Variants in SPATA24 observed in about 807,000 individuals in gnomAD.
SPATA24 encodes spermatogenesis-associated protein 24.
A neutral mutation model predicts 28.9 loss-of-function variants in SPATA24; 21 were observed. The ratio of observed to expected loss-of-function variants is 0.73; its 90% confidence interval spans 0.52 to 1.05. The LOEUF (loss-of-function observed/expected upper bound fraction) is 1.05. Among genes scored for constraint, SPATA24 ranks in the 50% least tolerant of loss-of-function variants. The probability of loss-of-function intolerance (pLI) is 0.00; values close to 1 mark genes in which losing one functional copy is unlikely to be tolerated. For synonymous variants in SPATA24, 76 were observed against 89.9 expected (o/e 0.85, Z 0.88); for missense variants, 215 against 242.9 (o/e 0.88, Z 0.76).
downstream of SPATA24, chr5:139,395,718 G>A (rs1185541029): frequency 3.3e-5 from 5 of 152,316 alleles, no homozygotes; most frequent in Non-Finnish European, 7.3e-5. Context: ...CAGGGCCTCA[G>A]GAAGGTACTA....
Position 139,397,154 on chromosome 5 carries a change from G to C in SPATA24, c.386-11C>G. On this transcript the variant is annotated splice_polypyrimidine_tract_variant and intron_variant, in intron 4 of 5. Coordinates refer to ENST00000450845, the MANE Select transcript of SPATA24 (RefSeq NM_194296.2). ...TGTGAGACTCAATCTCTGTGGGGGA[G>C]AGAGGCAGGGAGGAGGGGTGGTTCC... 1 of 1,545,714 alleles carries C rather than the reference G, an allele frequency of 6.5e-7. No homozygotes were observed. The highest frequency in any genetic ancestry group is 8.8e-7 in the Non-Finnish European group (1 of 1,141,332).
chr5:139,402,374 A>G (rs999126317), intron 2 of SPATA24, among the ~76,000 whole-genome samples: 9 of 151,166 alleles, frequency 6.0e-5, no homozygotes, highest in Admixed American at 4.0e-4. Flanking sequence ...GCCACCACGC[A>G]TGCTTGGCTA....
At chr5:139,392,607 GGGGGCCGTA>G, downstream of SPATA24, 1 of 1,370,394 alleles carries the variant, frequency 7.3e-7, no homozygotes, top group Non-Finnish European at 9.4e-7. This position sits in a 1 kb window ranked among gnomAD's most constrained non-coding sequence, Gnocchi z 5.8. Context: ...CCGCGGGCTC[GGGGGCCGTA>G]GGTGGTGTCT....
intron 4 of SPATA24, among the ~76,000 whole-genome samples, chr5:139,400,188 C>T (rs896710592): frequency 6.6e-6 from 1 of 152,190 alleles, no homozygotes; most frequent in Non-Finnish European, 1.5e-5. Flanking sequence ...GTACTCAAGG[C>T]TCCACATGGG....
downstream of SPATA24, chr5:139,392,664 C>A (rs1231549013): frequency 4.3e-6 from 6 of 1,401,140 alleles, no homozygotes; most frequent in African/African-American, 6.1e-5. This position sits in a 1 kb window ranked among gnomAD's most constrained non-coding sequence, Gnocchi z 5.8. Context: ...GGCTGGCTTG[C>A]ATCTGAGGGG....
chr5:139,394,273 G>A, downstream of SPATA24: 3 of 1,542,620 alleles, frequency 1.9e-6, no homozygotes, highest in Non-Finnish European at 2.6e-6. Context: ...GGACCCGAAG[G>A]TGGCGCTGCT....
At chr5:139,396,994 G>T (rs201757183) in intron 5 of SPATA24, 47 bp downstream of exon 5, 42 of 1,551,460 alleles carry the variant, frequency 2.7e-5, no homozygotes, top group Non-Finnish European at 3.6e-5. Context: ...CAGAGGTCTG[G>T]CTCCCCAGTG....
At chr5:139,403,857 G>A (rs915414210) in intron 1 of SPATA24, 87 bp downstream of exon 1, 28 of 1,169,734 alleles carry the variant, frequency 2.4e-5, no homozygotes, top group Non-Finnish European at 3.5e-5. Flanking sequence ...TTCTAGCCAC[G>A]GCCCCCGCAT....
intron 4 of SPATA24, chr5:139,401,449 TAG>T (rs1001454042): frequency 3.3e-6 from 2 of 612,058 alleles, no homozygotes; most frequent in Non-Finnish European, 5.8e-6. Context: ...TTGTATCAGT[TAG>T]GAGTAACCCA....
intron 2 of SPATA24, 48 bp from the exon 3 acceptor site, chr5:139,402,093 C>A (rs1758837428): frequency 3.9e-6 from 6 of 1,533,002 alleles, no homozygotes; most frequent in Non-Finnish European, 5.3e-6. Flanking sequence ...CGCCTTGGGT[C>A]TCCTAGACTC....
downstream of SPATA24, chr5:139,394,726 G>A (rs985951948): frequency 6.5e-7 from 1 of 1,531,718 alleles, no homozygotes; most frequent in African/African-American, 1.4e-5. Context: ...GCCGAACAGG[G>A]GTCCGACGCC....
chr5:139,393,734 T>C, downstream of SPATA24: 1 of 1,551,374 alleles, frequency 6.4e-7, no homozygotes, highest in Non-Finnish European at 8.7e-7. Flanking sequence ...GGGCTTCTCC[T>C]GCTGACAGTT....
At chr5:139,398,424 A>AACTAT (rs1295539601) in intron 4 of SPATA24, among the ~76,000 whole-genome samples, 4 of 151,952 alleles carry the variant, frequency 2.6e-5, no homozygotes, top group African/African-American at 9.7e-5. Context: ...AAAAACAAAA[A>AACTAT]ACTAGCTGGG....
At chr5:139,400,353 C>A (rs1323435097) in intron 4 of SPATA24, among the ~76,000 whole-genome samples, 2 of 142,912 alleles carry the variant, frequency 1.4e-5, no homozygotes, top group African/African-American at 5.2e-5. Context: ...GTTGCCCAGG[C>A]TGGAGCGCAA....
chr5:139,394,904 C>T (rs1362826442), downstream of SPATA24: 2 of 1,508,692 alleles, frequency 1.3e-6, no homozygotes, highest in Non-Finnish European at 8.8e-7. Flanking sequence ...CGCCCAGGAG[C>T]CACCCAGGGC....
chr5:139,394,399 G>GGGCGC, downstream of SPATA24: 4 of 1,390,894 alleles, frequency 2.9e-6, no homozygotes, highest in Non-Finnish European at 3.7e-6. Flanking sequence ...GAGCAGCCGG[G>GGGCGC]GGCGCGGCGC....
chr5:139,395,636 T>G (rs1758688954), downstream of SPATA24: 1 of 152,634 alleles, frequency 6.6e-6, no homozygotes, highest in Non-Finnish European at 1.5e-5. Flanking sequence ...CCACCTTTCT[T>G]GACCCCAGTT....
downstream of SPATA24, chr5:139,393,862 G>C: frequency 6.4e-7 from 1 of 1,551,362 alleles, no homozygotes; most frequent in African/African-American, 1.4e-5. Flanking sequence ...CGGGCAGCGA[G>C]GACCCCGTAC....
At chr5:139,397,264 G>A (rs1561991688) in intron 4 of SPATA24, 121 bp from the exon 5 acceptor site, 8 of 685,184 alleles carry the variant, frequency 1.2e-5, no homozygotes, top group Non-Finnish European at 1.8e-5. Flanking sequence ...TCTCCATGAA[G>A]AACTGCTAAT....
Sources: allele counts gnomAD v4.1 joint callset (sites outside exome capture counted in the v4.1 genomes callset), GRCh38; gene constraint gnomAD v4.1.1; non-coding constraint Gnocchi (gnomAD v3.1); transcripts MANE v1.5; gene names NCBI Gene and HGNC (gene_info 2026-07-23, HGNC 2026-07-21).